Variants in BATF3 observed in about 807,000 individuals in gnomAD.
BATF3 encodes the protein basic leucine zipper transcriptional factor ATF-like 3.
A neutral mutation model predicts 16.1 loss-of-function variants in BATF3; 8 were observed. That is an observed-to-expected ratio of 0.50 (90% CI 0.29 to 0.90). BATF3 has a LOEUF of 0.90. Among genes scored for constraint, BATF3 ranks in the 40% least tolerant of loss-of-function variants. BATF3 has a pLI of 0.08. For missense variants in BATF3, 139 were observed against 167.0 expected (o/e 0.83, Z 0.92); for synonymous variants, 74 against 72.7 (o/e 1.02, Z -0.09).
At chr1:212,688,313 A>G (rs139295932) in intron 2 of BATF3, among the ~76,000 whole-genome samples, 268 of 152,316 alleles carry the variant, frequency 1.8e-3, no homozygotes, top group African/African-American at 6.3e-3. Flanking sequence ...ATCTCAGAAA[A>G]TGTTGCTCCC....
intron 2 of BATF3, among the ~76,000 whole-genome samples, chr1:212,695,492 A>C (rs1162214686): frequency 1.0e-4 from 1 of 9,954 alleles, no homozygotes; most frequent in Non-Finnish European, 3.8e-4. Flanking sequence ...CTCTGTCTCA[A>C]AAAAAAAAAA....
At position 212,699,379 on chromosome 1, in the gene BATF3, G is replaced by A. The variant is rs1405861054; in HGVS notation, c.90+294C>T. On this transcript the variant is annotated intron_variant, in intron 1 of 2. Transcript: ENST00000243440. The surrounding 1 kb of genome is among the most constrained non-coding windows in gnomAD (Gnocchi z 4.4). ...CGGAGCCCACGTGCCGGGGAGCACC[G>A]GCCATGCCCGGCCCAGCCAGGCGTC... 6.6e-6 allele frequency among the ~76,000 whole-genome samples: 1 copy of A among 151,928 alleles called. No homozygotes were observed. The highest frequency in any genetic ancestry group is 1.5e-5 in the Non-Finnish European group (1 of 67,964).
intron 2 of BATF3, among the ~76,000 whole-genome samples, chr1:212,693,095 C>T (rs539646298): frequency 6.6e-6 from 1 of 152,210 alleles, no homozygotes; most frequent in Non-Finnish European, 1.5e-5. Context: ...GCGCTCTGTG[C>T]TCAACTCACT....
intron 2 of BATF3, among the ~76,000 whole-genome samples, chr1:212,687,816 A>C (rs541127015): frequency 6.6e-6 from 1 of 150,586 alleles, no homozygotes; most frequent in Admixed American, 6.6e-5. Context: ...AGTCTCAGGT[A>C]CTCAAGAGGC....
chr1:212,696,531 C>A (rs1330507105), intron 2 of BATF3, among the ~76,000 whole-genome samples: 1 of 151,552 alleles, frequency 6.6e-6, no homozygotes, highest in African/African-American at 2.4e-5. Context: ...AAGGGGGTAG[C>A]AGAAATTAAA....
At chr1:212,691,149 G>A (rs1422588848) in intron 2 of BATF3, among the ~76,000 whole-genome samples, 2 of 152,132 alleles carry the variant, frequency 1.3e-5, no homozygotes, top group African/African-American at 2.4e-5. Flanking sequence ...GGATACGCAG[G>A]GTCCAGGATG....
At chr1:212,697,838 C>G (rs1378533303) in intron 1 of BATF3, 1 of 152,066 alleles carries the variant, frequency 6.6e-6, no homozygotes, top group African/African-American at 2.4e-5. Context: ...CTATAGAAAA[C>G]ATGAAAAAGG....
chr1:212,686,703 C>A lies in BATF3; in HGVS notation c.*88G>T. On this transcript the variant is annotated 3_prime_UTR_variant, in exon 3 of 3. Coordinates refer to ENST00000243440, the MANE Select transcript of BATF3 (RefSeq NM_018664.3). The stretch of plus-strand genomic sequence containing the variant: ...CAGGAGGAGGCCTGGCCACAGGTGC[C>A]CCCTGTATACAATTGTGAAGGAAAA... 1.4e-6 allele frequency: 2 copies of A among 1,481,206 alleles called. No individual in the cohort carries two copies. Among genetic ancestry groups the A allele is most frequent in the Non-Finnish European group, 1.8e-6 (2 of 1,114,344 alleles). 91.8% of individuals were successfully genotyped at this position (1,481,206 alleles called of 1,614,324 possible). A position where few individuals can be genotyped will look rare whatever the true frequency, so the allele number is the denominator to read the frequency against.
Position 212,686,793 on chromosome 1 carries a change from A to T in BATF3, c.382T>A (p.Ter128ArgextTer97). 1 of 1,610,776 alleles carries T rather than the reference A, an allele frequency of 6.2e-7. No individual in the cohort carries two copies. The highest frequency in any genetic ancestry group is 8.5e-7 in the Non-Finnish European group (1 of 1,178,130). ...TGGGCAGAGGAGTGTCCCCGGCTTC[A>T]TCGGGGCAAGCAGCCGGCCACAGGG... ...PDPVAGCLPR[*>R] The change falls in exon 3 of 3, where the codon TGA becomes AGA. Residue 128 changes from the stop codon to arginine (R), a stop_lost. Transcript: ENST00000243440.
At chr1:212,695,775 T>C (rs1278511322) in intron 2 of BATF3, among the ~76,000 whole-genome samples, 3 of 152,152 alleles carry the variant, frequency 2.0e-5, no homozygotes, top group Admixed American at 2.0e-4. Flanking sequence ...TCAAGGCCAG[T>C]TCCTGGTATG....
At chr1:212,687,662 A>G (rs1656881769) in intron 2 of BATF3, among the ~76,000 whole-genome samples, 1 of 152,126 alleles carries the variant, frequency 6.6e-6, no homozygotes, top group South Asian at 2.1e-4. Context: ...ATGGTGACTC[A>G]TGCCTGTAAT....
intron 2 of BATF3, among the ~76,000 whole-genome samples, chr1:212,687,793 G>C (rs573710897): frequency 7.9e-5 from 12 of 151,718 alleles, no homozygotes; most frequent in African/African-American, 2.4e-4. Context: ...CAGGTGTGGT[G>C]ATGCACACCT....
chr1:212,698,971 CACCTGA>C (rs1657194689), intron 1 of BATF3, among the ~76,000 whole-genome samples: 1 of 152,206 alleles, frequency 6.6e-6, no homozygotes. Flanking sequence ...ACTCCAGCGA[CACCTGA>C]TGACATGGGC....
rs1227153440 is a variant in BATF3 at position 212,689,101 on chromosome 1, T to C, written c.196-2122A>G. Among the ~76,000 whole-genome samples the C allele has an allele frequency of 6.6e-6, 1 of 152,158 alleles. No homozygotes were observed. The highest frequency in any genetic ancestry group is 1.5e-5 in the Non-Finnish European group (1 of 68,012). On this transcript the variant is annotated intron_variant, in intron 2 of 2. Transcript: ENST00000243440. This position sits in a 1 kb window ranked among gnomAD's most constrained non-coding sequence, Gnocchi z 4.6. ...ACCACATCTTTTATTATGTGTTCTA[T>C]TCTATTTTGTATCATATTCAATTTC...
At chr1:212,696,552 T>C (rs1657137013) in intron 2 of BATF3, among the ~76,000 whole-genome samples, 1 of 151,650 alleles carries the variant, frequency 6.6e-6, no homozygotes, top group South Asian at 2.1e-4. Context: ...TCACAGAGGA[T>C]TGGGGAATAA....
chr1:212,694,935 C>T (rs1053065806), intron 2 of BATF3, among the ~76,000 whole-genome samples: 8 of 152,352 alleles, frequency 5.3e-5, no homozygotes, highest in African/African-American at 1.4e-4. Context: ...GGTCACCTCT[C>T]TGTGGAGTAT....
intron 2 of BATF3, among the ~76,000 whole-genome samples, chr1:212,692,299 A>G (rs1182054059): frequency 2.0e-5 from 3 of 152,178 alleles, no homozygotes; most frequent in Non-Finnish European, 2.9e-5. Context: ...TAAAATTGGA[A>G]TGATACAGGG....
chr1:212,689,605 T>C lies in BATF3; in HGVS notation c.196-2626A>G, dbSNP rs935388190. On this transcript the variant is annotated intron_variant, in intron 2 of 2. Coordinates refer to ENST00000243440, the MANE Select transcript of BATF3 (RefSeq NM_018664.3). The surrounding 1 kb of genome is among the most constrained non-coding windows in gnomAD (Gnocchi z 4.6). Reference sequence around the variant, plus strand: ...AAGCTCTCCGTGGGCAAGGGGAGAGTCTGGATGGGAGGATGGGATGGAAGC... The same window carrying C: ...AAGCTCTCCGTGGGCAAGGGGAGAGCCTGGATGGGAGGATGGGATGGAAGC... Among the ~76,000 whole-genome samples the C allele has an allele frequency of 2.6e-5, 4 of 151,532 alleles. No homozygotes were observed. The highest frequency in any genetic ancestry group is 4.9e-5 in the African/African-American group (2 of 41,204).
intron 2 of BATF3, chr1:212,687,587 C>T (rs1191619854): frequency 1.3e-5 from 2 of 152,790 alleles, no homozygotes; most frequent in African/African-American, 4.8e-5. Context: ...TCTGGGCACT[C>T]CTGCCCTCAA....
Sources: allele counts gnomAD v4.1 joint callset (sites outside exome capture counted in the v4.1 genomes callset), GRCh38; gene constraint gnomAD v4.1.1; non-coding constraint Gnocchi (gnomAD v3.1); transcripts MANE v1.5; gene names NCBI Gene and HGNC (gene_info 2026-07-23, HGNC 2026-07-21).